Variants in SP140L observed in about 807,000 individuals in gnomAD.
SP140L encodes SP140 like nuclear body protein, also known as nuclear body protein SP140-like protein.
In SP140L, 64 loss-of-function variants were observed where a neutral mutation model predicts 84.3. The ratio of observed to expected loss-of-function variants is 0.76; its 90% CI spans 0.62 to 0.94. The LOEUF is 0.94. SP140L is among the 40% of genes least tolerant of loss of function. The pLI is 0.00. For synonymous variants in SP140L, 242 were observed against 236.9 expected (o/e 1.02, Z -0.20); for missense variants, 628 against 692.5 (o/e 0.91, Z 1.05).
chr2:230,334,154 T>C (rs1045982531), intron 2 of SP140L, among the ~76,000 whole-genome samples: 4 of 152,248 alleles, frequency 2.6e-5, no homozygotes, highest in Admixed American at 2.6e-4. Flanking sequence ...TACCCCATTT[T>C]GATTTTCATC....
intron 13 of SP140L, among the ~76,000 whole-genome samples, chr2:230,393,710 T>A (rs76585731): frequency 6.6e-6 from 1 of 152,102 alleles, no homozygotes; most frequent in African/African-American, 2.4e-5. Flanking sequence ...AAAACAAACC[T>A]CCTGAATGTG....
At chr2:230,388,381 T>G (rs1250153682) in intron 9 of SP140L, among the ~76,000 whole-genome samples, 178 bp from the exon 10 acceptor site, 1 of 152,210 alleles carries the variant, frequency 6.6e-6, no homozygotes, top group Non-Finnish European at 1.5e-5. Flanking sequence ...AAATATAAAG[T>G]GAACCTAACA....
intron 5 of SP140L, among the ~76,000 whole-genome samples, chr2:230,364,848 A>G (rs964127485): frequency 2.6e-5 from 4 of 152,096 alleles, no homozygotes; most frequent in South Asian, 2.1e-4. Flanking sequence ...TTTTATCATG[A>G]AAAAAGTTGA....
Position 230,403,056 on chromosome 2 carries a change from T to C in SP140L, c.*160T>C, listed in dbSNP as rs1446074088. 3 of 585,284 alleles carry C rather than the reference T, an allele frequency of 5.1e-6. No homozygotes were observed. The East Asian group carries it at 9.1e-5, about 18-fold the overall frequency. 36.3% of individuals were successfully genotyped at this position (585,284 alleles called of 1,614,324 possible). ...ATCCTCAAAAGAAATTTGATCATCA[T>C]GAATCCCATCCCCAAGAATCTCATC... On this transcript the variant is annotated 3_prime_UTR_variant, in exon 19 of 19. Transcript: ENST00000415673.
intron 14 of SP140L, 93 bp downstream of exon 14, chr2:230,396,891 G>C: frequency 6.7e-7 from 1 of 1,489,522 alleles, no homozygotes; most frequent in South Asian, 1.2e-5. Flanking sequence ...CCTGAAGCAT[G>C]TTCAGTCTCA....
chr2:230,391,200 T>C (rs1469467331), intron 11 of SP140L, among the ~76,000 whole-genome samples: 2 of 152,242 alleles, frequency 1.3e-5, no homozygotes, highest in Non-Finnish European at 2.9e-5. Flanking sequence ...ACAAATTTGG[T>C]GTGAACATAT....
At chr2:230,357,514 T>G (rs2060583860) in intron 2 of SP140L, among the ~76,000 whole-genome samples, 1 of 152,220 alleles carries the variant, frequency 6.6e-6, no homozygotes, top group Non-Finnish European at 1.5e-5. Context: ...TATTTTTATT[T>G]TGAAAAATAT....
chr2:230,344,061 G>T (rs2060140879), intron 2 of SP140L, among the ~76,000 whole-genome samples: 1 of 152,090 alleles, frequency 6.6e-6, no homozygotes, highest in Non-Finnish European at 1.5e-5. Context: ...GCTGAATCAG[G>T]CCCTGAATAT....
chr2:230,348,055 A>G (rs1260593168), intron 2 of SP140L, among the ~76,000 whole-genome samples: 1 of 152,190 alleles, frequency 6.6e-6, no homozygotes, highest in Non-Finnish European at 1.5e-5. Context: ...AAGATGTAGC[A>G]CAGAATGCTA....
intron 7 of SP140L, among the ~76,000 whole-genome samples, chr2:230,377,464 T>G (rs1215706860): frequency 6.6e-6 from 1 of 152,242 alleles, no homozygotes; most frequent in African/African-American, 2.4e-5. Context: ...CATGTTATTG[T>G]GTGTGTTCAT....
chr2:230,379,481 T>G (rs756963267), intron 7 of SP140L, among the ~76,000 whole-genome samples: 2 of 152,198 alleles, frequency 1.3e-5, no homozygotes, highest in Non-Finnish European at 2.9e-5. Context: ...TGGCTATTAT[T>G]GTTTAATATT....
intron 3 of SP140L, 22 bp downstream of exon 3, chr2:230,357,989 A>G (rs778297412): frequency 2.9e-5 from 47 of 1,610,836 alleles, no homozygotes; most frequent in Non-Finnish European, 4.0e-5. Flanking sequence ...TTATTTCACA[A>G]CCTGGCAGAT....
chr2:230,354,260 C>T (rs1001501253), intron 2 of SP140L, among the ~76,000 whole-genome samples: 2 of 152,012 alleles, frequency 1.3e-5, no homozygotes, highest in East Asian at 3.8e-4. Flanking sequence ...CAATGTGATT[C>T]ACCAATTAAA....
At chr2:230,352,147 A>G (rs992187723) in intron 2 of SP140L, among the ~76,000 whole-genome samples, 1 of 152,136 alleles carries the variant, frequency 6.6e-6, no homozygotes, top group Non-Finnish European at 1.5e-5. Flanking sequence ...AAATATATAC[A>G]TGTGTATTTG....
At chr2:230,363,121 G>A (rs1216459532) in intron 5 of SP140L, among the ~76,000 whole-genome samples, 2 of 152,180 alleles carry the variant, frequency 1.3e-5, no homozygotes, top group Non-Finnish European at 2.9e-5. Flanking sequence ...GGTTTATGGA[G>A]GTGTAGCCCC....
At chr2:230,386,247 C>T (rs2061576338) in intron 9 of SP140L, among the ~76,000 whole-genome samples, 1 of 152,142 alleles carries the variant, frequency 6.6e-6, no homozygotes, top group Admixed American at 6.5e-5. Flanking sequence ...CTTGGGTAAT[C>T]AACTCAACCT....
rs2061941872 is a variant in SP140L, at chr2:230,394,027, G to A, written c.1155+566G>A. Among the ~76,000 whole-genome samples the A allele has an allele frequency of 2.0e-5, 3 of 152,128 alleles. No individual in the cohort carries two copies. The South Asian group carries it at 6.2e-4, about 31-fold the overall frequency. On this transcript the variant is annotated intron_variant, in intron 13 of 18. Transcript: ENST00000415673. ...AAAAAAATGTACACACAGATACACA[G>A]AATTCTTTCTCAATGGGAAATTATT...
chr2:230,385,327 T>C, intron 9 of SP140L, 23 bp downstream of exon 9: 1 of 1,610,156 alleles, frequency 6.2e-7, no homozygotes. Flanking sequence ...TGGTACCACT[T>C]TTCATTTGCC....
At chr2:230,370,310 A>C (rs2061022339) in intron 5 of SP140L, among the ~76,000 whole-genome samples, 1 of 152,060 alleles carries the variant, frequency 6.6e-6, no homozygotes, top group African/African-American at 2.4e-5. Context: ...GCATCACAGC[A>C]CTGGGAACTC....
Sources: allele counts gnomAD v4.1 joint callset (sites outside exome capture counted in the v4.1 genomes callset), GRCh38; gene constraint gnomAD v4.1.1; transcripts MANE v1.5; gene names NCBI Gene and HGNC (gene_info 2026-07-23, HGNC 2026-07-21).